The following GRID1 variants were observed in gnomAD, a reference collection of about 807,000 sequenced individuals.
GRID1 encodes the protein glutamate receptor ionotropic, delta-1.
GRID1 carries 28 observed loss-of-function variants against 98.0 expected under a neutral mutation model. The observed-to-expected ratio is 0.29, with a 90% CI of 0.21 to 0.39. The LOEUF (loss-of-function observed/expected upper bound fraction) is 0.39, where lower values mean the gene tolerates loss of function less well. GRID1 is among the 10% of genes least tolerant of loss of function. GRID1 has a pLI of 1.00. For missense variants in GRID1, 1,111 were observed against 1,340.5 expected (o/e 0.83, Z 2.67); for synonymous variants, 553 against 538.5 (o/e 1.03, Z -0.37).
At chr10:85,972,232 C>T (rs1564638953) in intron 4 of GRID1, among the ~76,000 whole-genome samples, 1 of 151,202 alleles carries the variant, frequency 6.6e-6, no homozygotes, top group Non-Finnish European at 1.5e-5. Context: ...TCCTAAGTCT[C>T]TTTTTCCCCC....
At chr10:86,006,803 TAA>T (rs35058405) in intron 4 of GRID1, among the ~76,000 whole-genome samples, 1 of 141,236 alleles carries the variant, frequency 7.1e-6, no homozygotes, top group South Asian at 2.3e-4. Context: ...TGAAGACAAT[TAA>T]AAAAAAAAAA....
chr10:86,098,255 T>G (rs1844249121), intron 4 of GRID1, among the ~76,000 whole-genome samples: 1 of 152,256 alleles, frequency 6.6e-6, no homozygotes, highest in South Asian at 2.1e-4. Context: ...CATTTTCTGT[T>G]TTACCTCTTT....
At chr10:86,018,641 C>T (rs1278952296) in intron 4 of GRID1, among the ~76,000 whole-genome samples, 3 of 152,166 alleles carry the variant, frequency 2.0e-5, no homozygotes, top group Admixed American at 1.3e-4. Flanking sequence ...CCTGTGAGTG[C>T]CTCTGGAGAC....
intron 5 of GRID1, among the ~76,000 whole-genome samples, chr10:85,890,490 T>A (rs994567733): frequency 2.6e-5 from 4 of 152,170 alleles, no homozygotes; most frequent in Non-Finnish European, 5.9e-5. Context: ...TTAACTCAGA[T>A]CTAAAATTCA....
At chr10:86,223,488 G>A (rs1240447796) in intron 2 of GRID1, among the ~76,000 whole-genome samples, 3 of 152,238 alleles carry the variant, frequency 2.0e-5, no homozygotes, top group Admixed American at 2.0e-4. Flanking sequence ...TGGCTGCTCT[G>A]TGCTGAGGAG....
At chr10:85,958,585 C>T (rs1460106537) in intron 4 of GRID1, among the ~76,000 whole-genome samples, 1 of 152,158 alleles carries the variant, frequency 6.6e-6, no homozygotes, top group African/African-American at 2.4e-5. Flanking sequence ...GCATTTGAAT[C>T]AGTAACTAAG....
intron 3 of GRID1, among the ~76,000 whole-genome samples, chr10:86,180,083 G>A (rs1054287349): frequency 6.6e-6 from 1 of 152,184 alleles, no homozygotes; most frequent in African/African-American, 2.4e-5. Flanking sequence ...TGGGCAGGGC[G>A]GAGCAGGAGC....
At position 85,803,897 on chromosome 10, in the gene GRID1, G is replaced by T. The variant is rs185240612; in HGVS notation, c.1233+50599C>A. Reference sequence around the variant, plus strand: ...AAGTTTATGGGACACAGTCAAAGCAGTATTTATTTAAAAAGTTATAGTTCT... The same window carrying T: ...AAGTTTATGGGACACAGTCAAAGCATTATTTATTTAAAAAGTTATAGTTCT... On this transcript the variant is annotated intron_variant, in intron 8 of 15. Coordinates refer to ENST00000327946, the MANE Select transcript of GRID1 (RefSeq NM_017551.3). 3.2e-4 allele frequency among the ~76,000 whole-genome samples: 49 copies of T among 151,908 alleles called. No individual in the cohort carries two copies. In the Middle Eastern group the frequency reaches 0.014, roughly 42 times the overall value.
chr10:85,647,068 C>G, intron 13 of GRID1, 134 bp downstream of exon 13: 1 of 712,154 alleles, frequency 1.4e-6, no homozygotes, highest in Admixed American at 2.2e-5. Flanking sequence ...ACCTAAAGAA[C>G]GTGTGCGATG....
chr10:86,276,098 C>A lies in GRID1; in HGVS notation c.236-69450G>T, dbSNP rs189608805. On this transcript the variant is annotated intron_variant, in intron 2 of 15. Transcript: ENST00000327946. ...TTACTGGGAGTGTCATAACAGAATA[C>A]CACAAATTGGGTGGCTTGAGCAATA... Among the ~76,000 whole-genome samples, 321 of 152,294 alleles carry A rather than the reference C, an allele frequency of 2.1e-3. 3 individuals are homozygous for A. Among genetic ancestry groups the A allele is most frequent in the Admixed American group, 3.5e-3 (53 of 15,302 alleles).
In GRID1 at chr10:85,622,524, C is replaced by T. The variant is rs575262095; in HGVS notation, c.2194-2491G>A. On this transcript the variant is annotated intron_variant, in intron 13 of 15. Transcript: ENST00000327946. ...TTGAGTTGCTGGGACTACAGGTTCA[C>T]GCCACTATGCCAGGCTGCCAATATA... Among the ~76,000 whole-genome samples, 654 of 152,262 alleles carry T rather than the reference C, an allele frequency of 4.3e-3. 3 individuals are homozygous for T. Among genetic ancestry groups the T allele is most frequent in the Non-Finnish European group, 6.7e-3 (453 of 68,032 alleles).
chr10:85,954,480 G>A (rs181927584), intron 4 of GRID1, among the ~76,000 whole-genome samples: 40 of 152,186 alleles, frequency 2.6e-4, no homozygotes, highest in Admixed American at 2.4e-3. Context: ...AAATACTAAT[G>A]TTCCTTTTAT....
chr10:85,612,777 C>T (rs1842748466), intron 15 of GRID1, among the ~76,000 whole-genome samples: 1 of 151,654 alleles, frequency 6.6e-6, no homozygotes, highest in South Asian at 2.1e-4. Context: ...AACACAAACC[C>T]AGTAAGAAGG....
intron 4 of GRID1, among the ~76,000 whole-genome samples, chr10:86,137,189 A>G (rs1237690564): frequency 6.6e-6 from 1 of 152,244 alleles, no homozygotes; most frequent in Non-Finnish European, 1.5e-5. Flanking sequence ...AAAATCCTCT[A>G]GAACGAAAAT....
At chr10:86,176,678 C>T (rs1845580225) in intron 3 of GRID1, among the ~76,000 whole-genome samples, 1 of 152,208 alleles carries the variant, frequency 6.6e-6, no homozygotes, top group South Asian at 2.1e-4. Flanking sequence ...AAGCTTGGAT[C>T]TGACTAATCA....
chr10:85,707,827 G>C (rs914464182), intron 12 of GRID1, among the ~76,000 whole-genome samples: 13 of 152,022 alleles, frequency 8.6e-5, no homozygotes, highest in Admixed American at 5.9e-4. Flanking sequence ...CATGAATGAA[G>C]CTGGAAACCA....
At chr10:85,778,271 G>A (rs910966770) in intron 8 of GRID1, among the ~76,000 whole-genome samples, 2 of 152,074 alleles carry the variant, frequency 1.3e-5, no homozygotes, top group Admixed American at 6.6e-5. Context: ...AAACTCCAGT[G>A]GGAATCATGA....
intron 2 of GRID1, among the ~76,000 whole-genome samples, chr10:86,326,221 A>C (rs1430327817): frequency 1.3e-5 from 2 of 152,250 alleles, no homozygotes; most frequent in Non-Finnish European, 2.9e-5. Flanking sequence ...CTTTACTAAA[A>C]GCATTAAAGA....
At chr10:85,718,364 C>T (rs1841663012) in intron 12 of GRID1, among the ~76,000 whole-genome samples, 3 of 152,032 alleles carry the variant, frequency 2.0e-5, no homozygotes, top group Admixed American at 6.6e-5. Context: ...TTGATTTCCA[C>T]ATATGGAGTC....
Sources: allele counts gnomAD v4.1 joint callset (sites outside exome capture counted in the v4.1 genomes callset), GRCh38; gene constraint gnomAD v4.1.1; transcripts MANE v1.5; gene names NCBI Gene and HGNC (gene_info 2026-07-23, HGNC 2026-07-21).